HS6ST3: variants seen among roughly 807,000 people sequenced by gnomAD.
HS6ST3 encodes heparan sulfate 6-O-sulfotransferase 3, also known as heparan-sulfate 6-O-sulfotransferase 3.
Under a neutral mutation model 36.7 loss-of-function variants are expected in HS6ST3, and 12 were observed. The observed-to-expected ratio is 0.33, with a 90% CI of 0.21 to 0.53. The LOEUF (loss-of-function observed/expected upper bound fraction) is 0.53, where lower values mean the gene tolerates loss of function less well. HS6ST3 is among the 20% of genes least tolerant of loss of function. The pLI, the probability that HS6ST3 is intolerant of heterozygous loss-of-function variation, is 0.95. For synonymous variants in HS6ST3, 240 were observed against 257.5 expected (o/e 0.93, Z 0.65); for missense variants, 584 against 640.9 (o/e 0.91, Z 0.96).
At chr13:96,255,888 G>A (rs1162100941) in intron 1 of HS6ST3, among the ~76,000 whole-genome samples, 1 of 152,120 alleles carries the variant, frequency 6.6e-6, no homozygotes, top group East Asian at 1.9e-4. Context: ...AAGGCACAAT[G>A]TTTGACCCTA....
intron 1 of HS6ST3, among the ~76,000 whole-genome samples, chr13:96,200,537 T>C (rs1284353462): frequency 3.3e-5 from 5 of 152,194 alleles, no homozygotes; most frequent in South Asian, 2.1e-4. Context: ...AACTTGGCCA[T>C]CTTTCCTCTT....
At chr13:96,425,588 T>C (rs527481347) in intron 1 of HS6ST3, among the ~76,000 whole-genome samples, 6 of 152,252 alleles carry the variant, frequency 3.9e-5, no homozygotes, top group Admixed American at 2.0e-4. Flanking sequence ...ATCATAGATA[T>C]GCAAAATAGT....
At chr13:96,540,794 G>C (rs1467240073) in intron 1 of HS6ST3, among the ~76,000 whole-genome samples, 1 of 152,030 alleles carries the variant, frequency 6.6e-6, no homozygotes, top group Non-Finnish European at 1.5e-5. Context: ...TTTATTTCTG[G>C]TTCTGAGGAC....
chr13:96,297,123 A>G (rs142824476), intron 1 of HS6ST3, among the ~76,000 whole-genome samples: 4 of 152,158 alleles, frequency 2.6e-5, no homozygotes, highest in African/African-American at 9.6e-5. Flanking sequence ...GTCCCTAGTT[A>G]CTATATTTCA....
chr13:96,482,094 C>G (rs1000238255), intron 1 of HS6ST3, among the ~76,000 whole-genome samples: 2 of 152,200 alleles, frequency 1.3e-5, no homozygotes, highest in Non-Finnish European at 2.9e-5. Context: ...TCTTGTCTTT[C>G]TCCATGCTTA....
chr13:96,458,165 C>T (rs2055763541), intron 1 of HS6ST3, among the ~76,000 whole-genome samples: 1 of 152,154 alleles, frequency 6.6e-6, no homozygotes, highest in Non-Finnish European at 1.5e-5. Flanking sequence ...GTCTTACCTT[C>T]ATTCATTCCA....
chr13:96,582,061 G>T (rs1055148262), intron 1 of HS6ST3, among the ~76,000 whole-genome samples: 2 of 152,186 alleles, frequency 1.3e-5, no homozygotes, highest in African/African-American at 4.8e-5. Context: ...TGCAGATCTG[G>T]TGTCTAGATC....
rs138731918 is a variant in HS6ST3, at chr13:96,548,096, C to T, written c.708-284394C>T. Among the ~76,000 whole-genome samples the T allele has an allele frequency of 6.6e-5, 10 of 152,292 alleles. No individual in the cohort carries two copies. The East Asian group carries it at 7.7e-4, about 12-fold the overall frequency. On this transcript the variant is annotated intron_variant, in intron 1 of 1. Transcript: ENST00000376705. Reference sequence around the variant, plus strand: ...TGTTTGAAGTGTTGCTTCTCCTGCACGCCCCCCACACCGTGCCTCCCACCT... The same window carrying T: ...TGTTTGAAGTGTTGCTTCTCCTGCATGCCCCCCACACCGTGCCTCCCACCT...
intron 1 of HS6ST3, among the ~76,000 whole-genome samples, chr13:96,227,236 C>T (rs1021163536): frequency 5.3e-5 from 8 of 152,224 alleles, no homozygotes; most frequent in African/African-American, 1.7e-4. Flanking sequence ...CATTTTTGCT[C>T]TAAAAATAGA....
chr13:96,121,370 G>A (rs904941434), intron 1 of HS6ST3, among the ~76,000 whole-genome samples: 8 of 152,326 alleles, frequency 5.3e-5, no homozygotes, highest in African/African-American at 1.9e-4. Context: ...AGAATGATTA[G>A]AGATGAGGGT....
chr13:96,569,455 G>A (rs1037047162), intron 1 of HS6ST3, among the ~76,000 whole-genome samples: 6 of 152,212 alleles, frequency 3.9e-5, no homozygotes, highest in Admixed American at 3.9e-4. Flanking sequence ...TACTATCATT[G>A]ATCCAGCCCT....
At chr13:96,364,451 T>A (rs1388109717) in intron 1 of HS6ST3, among the ~76,000 whole-genome samples, 1 of 152,214 alleles carries the variant, frequency 6.6e-6, no homozygotes, top group African/African-American at 2.4e-5. Flanking sequence ...CTCTGATGCA[T>A]GTTGCAACAG....
chr13:96,551,417 T>C (rs2056218945), intron 1 of HS6ST3, among the ~76,000 whole-genome samples: 1 of 152,146 alleles, frequency 6.6e-6, no homozygotes, highest in African/African-American at 2.4e-5. Context: ...AAAATGTATG[T>C]ATTCATTCAA....
At chr13:96,597,281 C>A (rs866275858) in intron 1 of HS6ST3, among the ~76,000 whole-genome samples, 1 of 151,310 alleles carries the variant, frequency 6.6e-6, no homozygotes, top group Non-Finnish European at 1.5e-5. Context: ...TGTACACAAA[C>A]GCTATGACAC....
chr13:96,383,717 AGTGGGGG>A (rs1003777712), intron 1 of HS6ST3, among the ~76,000 whole-genome samples: 12 of 131,280 alleles, frequency 9.1e-5, no homozygotes, highest in African/African-American at 3.1e-4. Flanking sequence ...ACCCCCTCAA[AGTGGGGG>A]GGACATAGAG....
intron 1 of HS6ST3, among the ~76,000 whole-genome samples, chr13:96,377,484 A>G (rs1276461473): frequency 6.6e-6 from 1 of 152,218 alleles, no homozygotes; most frequent in Non-Finnish European, 1.5e-5. Flanking sequence ...GGTAGTTCTC[A>G]AGTATTTTTG....
At chr13:96,601,062 G>C (rs1301523740) in intron 1 of HS6ST3, among the ~76,000 whole-genome samples, 2 of 152,094 alleles carry the variant, frequency 1.3e-5, no homozygotes, top group Non-Finnish European at 2.9e-5. Flanking sequence ...TTTCCTATAA[G>C]TTATCCAATG....
At chr13:96,291,244 G>A (rs901066097) in intron 1 of HS6ST3, among the ~76,000 whole-genome samples, 1 of 152,004 alleles carries the variant, frequency 6.6e-6, no homozygotes, top group Non-Finnish European at 1.5e-5. Flanking sequence ...TATAGTCTCT[G>A]GCATATAGTA....
chr13:96,698,179 A>G (rs111651716), intron 1 of HS6ST3, among the ~76,000 whole-genome samples: 18 of 152,092 alleles, frequency 1.2e-4, no homozygotes, highest in Admixed American at 3.3e-4. Context: ...ATATCTCCCA[A>G]TGCTGTCCCT....
Sources: allele counts gnomAD v4.1 joint callset (sites outside exome capture counted in the v4.1 genomes callset), GRCh38; gene constraint gnomAD v4.1.1; transcripts MANE v1.5; gene names NCBI Gene and HGNC (gene_info 2026-07-23, HGNC 2026-07-21).